PHF24: variants seen among roughly 807,000 people sequenced by gnomAD.
PHF24 encodes Galpha inhibitory interacting protein.
A neutral mutation model predicts 42.6 loss-of-function variants in PHF24; 25 were observed. The ratio of observed to expected loss-of-function variants is 0.59; its 90% CI spans 0.43 to 0.82. The LOEUF (loss-of-function observed/expected upper bound fraction) is 0.82, where lower values mean the gene tolerates loss of function less well. PHF24 is among the 40% of genes least tolerant of loss of function. The probability of loss-of-function intolerance (pLI) is 0.00; values close to 1 mark genes in which losing one functional copy is unlikely to be tolerated. For synonymous variants in PHF24, 185 were observed against 204.8 expected (o/e 0.90, Z 0.83); for missense variants, 470 against 538.1 (o/e 0.87, Z 1.25).
the PHF24 span, among the ~76,000 whole-genome samples, chr9:34,903,309 T>G: frequency 0.16 from 23,747 of 152,194 alleles, 2,547 homozygotes; most frequent in East Asian, 0.48. Context: ...ATAAAATAAA[T>G]TTTAAGATAG....
the PHF24 span, among the ~76,000 whole-genome samples, chr9:34,916,409 G>T: frequency 6.6e-6 from 1 of 152,182 alleles, no homozygotes; most frequent in Non-Finnish European, 1.5e-5. Flanking sequence ...AATGTAAATG[G>T]AGTTATAGAA....
At chr9:34,688,941 G>C in the PHF24 span, among the ~76,000 whole-genome samples, 2 of 152,244 alleles carry the variant, frequency 1.3e-5, no homozygotes, top group African/African-American at 2.4e-5. Flanking sequence ...CTATAAGTCA[G>C]GGTGATGAAT....
chr9:34,950,542 T>C, the PHF24 span, among the ~76,000 whole-genome samples: 3 of 152,168 alleles, frequency 2.0e-5, no homozygotes, highest in Admixed American at 1.3e-4. Flanking sequence ...ATTTTTAATT[T>C]AGAGAAATTT....
At chr9:34,920,050 T>G in the PHF24 span, among the ~76,000 whole-genome samples, 1 of 152,158 alleles carries the variant, frequency 6.6e-6, no homozygotes, top group Non-Finnish European at 1.5e-5. Flanking sequence ...ATACTAATTT[T>G]CTTTCTTTTG....
the PHF24 span, chr9:34,690,466 GT>G: frequency 1.1e-6 from 1 of 871,380 alleles, no homozygotes; most frequent in Non-Finnish European, 1.8e-6. Context: ...GTGTGTGTGT[GT>G]GTCTGGTGGG....
At chr9:34,968,217 C>T (rs1205774512) in intron 1 of PHF24, among the ~76,000 whole-genome samples, 1 of 152,132 alleles carries the variant, frequency 6.6e-6, no homozygotes, top group African/African-American at 2.4e-5. Flanking sequence ...TTTAGTCTTT[C>T]GTGGTACGTA....
the PHF24 span, among the ~76,000 whole-genome samples, chr9:34,882,266 G>C: frequency 6.6e-6 from 1 of 152,092 alleles, no homozygotes; most frequent in Non-Finnish European, 1.5e-5. Context: ...GTACTGAATG[G>C]GCAAAAACTG....
chr9:34,957,210 T>C (rs1006200276), upstream of PHF24, among the ~76,000 whole-genome samples: 39 of 152,320 alleles, frequency 2.6e-4, no homozygotes, highest in African/African-American at 9.4e-4. Flanking sequence ...AAATTTCTTT[T>C]TTATATCGCA....
chr9:34,742,010 A>G, the PHF24 span, among the ~76,000 whole-genome samples: 1 of 152,194 alleles, frequency 6.6e-6, no homozygotes, highest in Non-Finnish European at 1.5e-5. Flanking sequence ...AATAGAAGTC[A>G]TGGTATAAAA....
the PHF24 span, among the ~76,000 whole-genome samples, chr9:34,759,687 A>G: frequency 6.6e-6 from 1 of 152,218 alleles, no homozygotes; most frequent in Admixed American, 6.5e-5. Context: ...TCTTGCCCCC[A>G]GCAGAATCAC....
At chr9:34,893,000 C>T in the PHF24 span, 1 of 779,704 alleles carries the variant, frequency 1.3e-6, no homozygotes, top group Admixed American at 2.2e-5. Context: ...GCAAGAGGAG[C>T]CCTGTGATGG....
chr9:34,902,105 C>T, the PHF24 span, among the ~76,000 whole-genome samples: 7 of 151,848 alleles, frequency 4.6e-5, no homozygotes, highest in African/African-American at 7.2e-5. Flanking sequence ...CAGAGTCATG[C>T]GTAAATAAAT....
At chr9:34,900,257 A>G in the PHF24 span, among the ~76,000 whole-genome samples, 2 of 152,214 alleles carry the variant, frequency 1.3e-5, no homozygotes, top group Non-Finnish European at 2.9e-5. Flanking sequence ...AATATTGAGA[A>G]TGAGAGAGGT....
chr9:34,883,177 C>G, the PHF24 span, among the ~76,000 whole-genome samples: 1 of 152,168 alleles, frequency 6.6e-6, no homozygotes, highest in East Asian at 1.9e-4. Flanking sequence ...AAAGCTGAAA[C>G]TGGATCCCTT....
chr9:34,699,813 C>T, the PHF24 span, among the ~76,000 whole-genome samples: 1 of 152,224 alleles, frequency 6.6e-6, no homozygotes, highest in African/African-American at 2.4e-5. Context: ...ATACGCGTTC[C>T]TGCTCTTGCA....
At chr9:34,965,747 G>A (rs760111043) in intron 1 of PHF24, among the ~76,000 whole-genome samples, 28 of 152,234 alleles carry the variant, frequency 1.8e-4, no homozygotes, top group Non-Finnish European at 3.8e-4. Flanking sequence ...CTCTGTTAAT[G>A]AGTAAGTTCA....
At chr9:34,837,593 G>T in the PHF24 span, 3 of 1,311,194 alleles carry the variant, frequency 2.3e-6, no homozygotes, top group Non-Finnish European at 3.2e-6. Flanking sequence ...GTCATAGAGG[G>T]ACAGGATTCA....
the PHF24 span, chr9:34,729,431 C>G: frequency 6.5e-7 from 1 of 1,545,312 alleles, no homozygotes; most frequent in Non-Finnish European, 8.7e-7. Context: ...TCAACATGGT[C>G]TAAACTTCAT....
At chr9:34,947,890 C>T in the PHF24 span, among the ~76,000 whole-genome samples, 17 of 152,190 alleles carry the variant, frequency 1.1e-4, no homozygotes, top group South Asian at 8.3e-4. Context: ...AGGCAGATCA[C>T]GAGGTCAGGA....
Sources: allele counts gnomAD v4.1 joint callset (sites outside exome capture counted in the v4.1 genomes callset), GRCh38; gene constraint gnomAD v4.1.1; transcripts MANE v1.5; gene names NCBI Gene and HGNC (gene_info 2026-07-23, HGNC 2026-07-21).